The following PDE4D variants were observed in gnomAD, a reference collection of about 807,000 sequenced individuals.
PDE4D encodes the protein 3',5'-cyclic-AMP phosphodiesterase 4D.
A neutral mutation model predicts 87.4 loss-of-function variants in PDE4D; 24 were observed. The ratio of observed to expected loss-of-function variants is 0.27; its 90% CI spans 0.20 to 0.39. The LOEUF (loss-of-function observed/expected upper bound fraction) is 0.39, where lower values mean the gene tolerates loss of function less well. PDE4D is among the 10% of genes least tolerant of loss of function. The pLI is 1.00. For missense variants in PDE4D, 714 were observed against 1,041.0 expected (o/e 0.69, Z 4.32); for synonymous variants, 384 against 383.2 (o/e 1.00, Z -0.02).
chr5:58,974,630 TAA>T lies in PDE4D; in HGVS notation c.*32_*33del, dbSNP rs10718401. The T allele has an allele frequency of 9.8e-4, 1,202 of 1,223,644 alleles. No homozygotes were observed. Among genetic ancestry groups the T allele is most frequent in the South Asian group, 1.8e-3 (105 of 59,936 alleles). 75.8% of individuals were successfully genotyped at this position (1,223,644 alleles called of 1,614,324 possible). Reference sequence around the variant, plus strand: ...GCACTTTGGAAACAATTTTTCTACTTAAAAAAAAAAAAGGCATGAAAGTTTTT... The same window carrying T: ...GCACTTTGGAAACAATTTTTCTACTTAAAAAAAAAAGGCATGAAAGTTTTT... On this transcript the variant is annotated 3_prime_UTR_variant, in exon 15 of 15. Coordinates refer to ENST00000340635, the MANE Select transcript of PDE4D (RefSeq NM_001104631.2).
At chr5:59,577,067 G>A (rs1823291788) in intron 1 of PDE4D, among the ~76,000 whole-genome samples, 1 of 152,008 alleles carries the variant, frequency 6.6e-6, no homozygotes, top group Admixed American at 6.6e-5. Flanking sequence ...CCAATGACAA[G>A]GTTCTTAAGA....
chr5:60,214,810 G>A (rs1471530762), intron 1 of PDE4D, among the ~76,000 whole-genome samples: 1 of 152,126 alleles, frequency 6.6e-6, no homozygotes, highest in Non-Finnish European at 1.5e-5. Context: ...TAAACCTAAA[G>A]TGTTCAAGGA....
chr5:59,610,504 G>A (rs143957414), intron 1 of PDE4D, among the ~76,000 whole-genome samples: 2 of 152,046 alleles, frequency 1.3e-5, no homozygotes, highest in African/African-American at 4.8e-5. Flanking sequence ...TCTTATTTTG[G>A]TCTAGAACAG....
chr5:59,984,040 C>T (rs2962204), intron 3 of PDE4D, among the ~76,000 whole-genome samples: 71,256 of 120,910 alleles, frequency 0.59, 17,202 homozygotes, highest in East Asian at 0.88. Flanking sequence ...ACATGGATAT[C>T]AAAAAAAAAT....
chr5:60,301,910 T>C (rs1412293705), intron 1 of PDE4D, among the ~76,000 whole-genome samples: 1 of 152,218 alleles, frequency 6.6e-6, no homozygotes, highest in Non-Finnish European at 1.5e-5. Flanking sequence ...CAAAGGCCTT[T>C]TCTGCATCTA....
chr5:60,445,850 G>A (rs1745600457), intron 1 of PDE4D, among the ~76,000 whole-genome samples: 1 of 152,058 alleles, frequency 6.6e-6, no homozygotes, highest in East Asian at 1.9e-4. Flanking sequence ...AACTTCTCAT[G>A]TAAAAATATA....
chr5:59,153,658 T>C (rs1270631283), intron 5 of PDE4D, among the ~76,000 whole-genome samples: 1 of 152,192 alleles, frequency 6.6e-6, no homozygotes, highest in Non-Finnish European at 1.5e-5. Context: ...TTCAGGTCTA[T>C]TGAACACAGG....
chr5:60,330,462 G>T (rs1757220758), intron 1 of PDE4D, among the ~76,000 whole-genome samples: 1 of 152,186 alleles, frequency 6.6e-6, no homozygotes, highest in Admixed American at 6.5e-5. Flanking sequence ...TCTGCCAACA[G>T]CAGAGAATGG....
chr5:59,457,122 A>G (rs976998218), intron 1 of PDE4D, among the ~76,000 whole-genome samples: 1 of 152,256 alleles, frequency 6.6e-6, no homozygotes, highest in African/African-American at 2.4e-5. Context: ...CCTATCAAAC[A>G]GTATATTACA....
chr5:60,101,962 T>C (rs1229120907), intron 2 of PDE4D, among the ~76,000 whole-genome samples: 2 of 152,172 alleles, frequency 1.3e-5, no homozygotes, highest in East Asian at 1.9e-4. Context: ...TGGCAAAGTA[T>C]GAAAGTAAAT....
chr5:60,342,910 G>C (rs1178700450), intron 1 of PDE4D, among the ~76,000 whole-genome samples: 1 of 152,122 alleles, frequency 6.6e-6, no homozygotes, highest in Non-Finnish European at 1.5e-5. Context: ...CTTCAAAATA[G>C]GCAACTATGT....
intron 5 of PDE4D, among the ~76,000 whole-genome samples, chr5:59,163,459 C>T (rs187566664): frequency 2.0e-4 from 31 of 151,962 alleles, no homozygotes; most frequent in Middle Eastern, 3.4e-3. Context: ...TTAATAGAGA[C>T]GGGGTTTCTC....
At chr5:59,974,440 A>G (rs1761095993) in intron 3 of PDE4D, among the ~76,000 whole-genome samples, 1 of 152,204 alleles carries the variant, frequency 6.6e-6, no homozygotes, top group Admixed American at 6.5e-5. Flanking sequence ...TCCATACTCC[A>G]GAGACTGTAA....
At chr5:59,902,502 AG>A (rs1752383492) in intron 3 of PDE4D, among the ~76,000 whole-genome samples, 1 of 152,188 alleles carries the variant, frequency 6.6e-6, no homozygotes, top group African/African-American at 2.4e-5. Flanking sequence ...ATGAAATTTC[AG>A]ATGGTTGTTA....
chr5:59,830,015 C>G (rs73092828), intron 1 of PDE4D, among the ~76,000 whole-genome samples: 2,620 of 152,126 alleles, frequency 0.017, 64 homozygotes, highest in African/African-American at 0.061. Context: ...CAGTGTCACA[C>G]TGTTACTGCA....
At chr5:59,820,430 T>A (rs1441102770) in intron 1 of PDE4D, among the ~76,000 whole-genome samples, 1 of 152,206 alleles carries the variant, frequency 6.6e-6, no homozygotes, top group Non-Finnish European at 1.5e-5. Flanking sequence ...AATTCTCTCC[T>A]ATTTTTTGAA....
intron 1 of PDE4D, among the ~76,000 whole-genome samples, chr5:60,299,235 A>G (rs1351849549): frequency 1.3e-5 from 2 of 152,260 alleles, no homozygotes; most frequent in South Asian, 4.1e-4. Context: ...CTTTAAAACC[A>G]AAAGTAATGG....
chr5:59,554,751 C>T (rs1443898034), intron 1 of PDE4D, among the ~76,000 whole-genome samples: 1 of 152,076 alleles, frequency 6.6e-6, no homozygotes, highest in Non-Finnish European at 1.5e-5. Context: ...CTCGCTTTAC[C>T]AAGAGAGGTC....
chr5:59,391,539 C>T (rs1391495985), intron 1 of PDE4D, among the ~76,000 whole-genome samples: 1 of 152,116 alleles, frequency 6.6e-6, no homozygotes. Flanking sequence ...TCTCTTTCTT[C>T]CCTTATTCCC....
Sources: gnomAD v4.1 joint callset for allele counts (sites outside exome capture counted in the v4.1 genomes callset) on GRCh38, gnomAD v4.1.1 for gene constraint, MANE v1.5 for transcripts, NCBI Gene and HGNC (gene_info 2026-07-23, HGNC 2026-07-21) for gene names.